Variants in TMEM132D observed in about 807,000 individuals in gnomAD.
TMEM132D encodes transmembrane protein 132D.
Under a neutral mutation model 62.3 loss-of-function variants are expected in TMEM132D, and 21 were observed. The observed-to-expected ratio is 0.34, with a 90% CI of 0.24 to 0.49. TMEM132D has a LOEUF of 0.49. Among genes scored for constraint, TMEM132D ranks in the 20% least tolerant of loss-of-function variants. The pLI is 0.99. For synonymous variants in TMEM132D, 621 were observed against 575.6 expected (o/e 1.08, Z -1.13); for missense variants, 1,346 against 1,402.8 (o/e 0.96, Z 0.65).
intron 2 of TMEM132D, among the ~76,000 whole-genome samples, chr12:129,608,708 A>C (rs1486961908): frequency 1.3e-5 from 2 of 152,214 alleles, no homozygotes; most frequent in African/African-American, 4.8e-5. Context: ...TGAAGCCATC[A>C]GCTCCGGCCT....
At chr12:129,478,504 G>T (rs143221582) in intron 3 of TMEM132D, among the ~76,000 whole-genome samples, 1 of 152,272 alleles carries the variant, frequency 6.6e-6, no homozygotes, top group East Asian at 1.9e-4. Context: ...ATTAAACAAG[G>T]CTGACTTTTA....
At chr12:129,828,689 A>AAGGG (rs144420106) in intron 1 of TMEM132D, among the ~76,000 whole-genome samples, 68 of 4,626 alleles carry the variant, frequency 0.015, 2 homozygotes, top group Non-Finnish European at 0.027. Context: ...GGGAGGAAGG[A>AAGGG]AGGGAGGGAG....
chr12:129,598,047 AAACAACAAC>A (rs567539460), intron 2 of TMEM132D, among the ~76,000 whole-genome samples: 1 of 152,108 alleles, frequency 6.6e-6, no homozygotes, highest in Non-Finnish European at 1.5e-5. Flanking sequence ...ATACTTGCAA[AAACAACAAC>A]AACAACAACA....
At chr12:129,613,694 A>G (rs766193830) in intron 2 of TMEM132D, among the ~76,000 whole-genome samples, 4 of 152,306 alleles carry the variant, frequency 2.6e-5, no homozygotes, top group South Asian at 2.1e-4. Context: ...AGCACCCAGA[A>G]GACTGGCTCG....
intron 2 of TMEM132D, among the ~76,000 whole-genome samples, chr12:129,585,010 A>G (rs1877984530): frequency 6.6e-6 from 1 of 152,198 alleles, no homozygotes; most frequent in South Asian, 2.1e-4. Flanking sequence ...CGATTGCAAA[A>G]TGAAGAAAAT....
chr12:129,156,120 G>A (rs1040505145), intron 5 of TMEM132D, among the ~76,000 whole-genome samples: 2 of 150,944 alleles, frequency 1.3e-5, no homozygotes, highest in South Asian at 2.1e-4. Flanking sequence ...ATACTCCCAC[G>A]ATAACCAACT....
rs183366931 is a variant in TMEM132D at position 129,694,891 on chromosome 12, C to G, written c.968+4919G>C. Among the ~76,000 whole-genome samples the G allele has an allele frequency of 1.2e-4, 19 of 152,220 alleles. 2 individuals carry two copies. In the East Asian group the frequency reaches 3.5e-3, roughly 28 times the overall value. On this transcript the variant is annotated intron_variant, in intron 2 of 8. Coordinates refer to ENST00000422113, the MANE Select transcript of TMEM132D (RefSeq NM_133448.3). ...GGCATGGCGATGTGAGCCTTTAATCCCAGCTACTTTGGAGGCTGGGGCAGG... is the reference window on the plus strand; with the variant it reads ...GGCATGGCGATGTGAGCCTTTAATCGCAGCTACTTTGGAGGCTGGGGCAGG...
chr12:129,463,471 T>G (rs1873755904), intron 3 of TMEM132D, among the ~76,000 whole-genome samples: 1 of 18,618 alleles, frequency 5.4e-5, no homozygotes, highest in South Asian at 6.6e-3. Flanking sequence ...TTTATTTATG[T>G]ATTATTATTA....
chr12:129,805,607 A>G (rs1243028953), intron 1 of TMEM132D, among the ~76,000 whole-genome samples: 1 of 152,062 alleles, frequency 6.6e-6, no homozygotes, highest in Non-Finnish European at 1.5e-5. Flanking sequence ...AAACCTAGGC[A>G]ATACCATTCA....
chr12:129,351,862 C>T (rs750134008), intron 3 of TMEM132D, among the ~76,000 whole-genome samples: 2 of 152,192 alleles, frequency 1.3e-5, no homozygotes, highest in Non-Finnish European at 2.9e-5. Flanking sequence ...GAACAACCCT[C>T]ACCATACCAG....
At chr12:129,675,842 T>C (rs886968109) in intron 2 of TMEM132D, among the ~76,000 whole-genome samples, 2 of 152,206 alleles carry the variant, frequency 1.3e-5, no homozygotes, top group Non-Finnish European at 2.9e-5. Flanking sequence ...TGAGAAGCCC[T>C]GTGCTGGGAT....
At position 129,371,091 on chromosome 12, in the gene TMEM132D, T is replaced by C. The variant is rs1171324799; in HGVS notation, c.1116-33274A>G. ...TTTGATGTGATAGACCCAATTACCT[T>C]GATTCGATCATTATATTGTTGTAGG... On this transcript the variant is annotated intron_variant, in intron 3 of 8. Coordinates refer to ENST00000422113, the MANE Select transcript of TMEM132D (RefSeq NM_133448.3). This position sits in a 1 kb window ranked among gnomAD's most constrained non-coding sequence, Gnocchi z 4.3. Among the ~76,000 whole-genome samples the C allele has an allele frequency of 6.6e-6, 1 of 152,228 alleles. No individual in the cohort carries two copies. The highest frequency in any genetic ancestry group is 1.5e-5 in the Non-Finnish European group (1 of 68,038).
At position 129,084,643 on chromosome 12, in the gene TMEM132D, G is replaced by C. The variant is rs750815479; in HGVS notation, c.1503C>G (p.Asn501Lys). 1.9e-6 allele frequency: 3 copies of C among 1,614,142 alleles called. No individual in the cohort carries two copies. The South Asian group carries it at 3.3e-5, about 18-fold the overall frequency. ...GCTGGTAGGTGAAGTTCACCACCAC[G>C]TTGACCTTGCCTTTCATTTCTTTCC... ...VNGKEMKGKV[N>K]VVVNFTYQHL... The change falls in exon 6 of 9, where the codon AAC (asparagine) becomes AAG (lysine). Residue 501 changes from asparagine to lysine, a missense_variant. Transcript: ENST00000422113.
At chr12:129,817,556 G>A (rs1264214062) in intron 1 of TMEM132D, among the ~76,000 whole-genome samples, 2 of 151,698 alleles carry the variant, frequency 1.3e-5, no homozygotes, top group Non-Finnish European at 1.5e-5. Flanking sequence ...TTAGCAAGCT[G>A]GGAGAATGGA....
At chr12:129,637,322 TAC>T (rs1460926033) in intron 2 of TMEM132D, among the ~76,000 whole-genome samples, 4 of 152,250 alleles carry the variant, frequency 2.6e-5, no homozygotes, top group African/African-American at 9.6e-5. Flanking sequence ...TGTTTTTGAA[TAC>T]ACTGGGAAGA....
intron 1 of TMEM132D, among the ~76,000 whole-genome samples, chr12:129,890,590 G>A (rs1874890458): frequency 6.6e-6 from 1 of 152,152 alleles, no homozygotes; most frequent in Non-Finnish European, 1.5e-5. Context: ...CACAATTGTG[G>A]AAAAGAGATT....
chr12:129,594,883 A>G (rs1403791916), intron 2 of TMEM132D, among the ~76,000 whole-genome samples: 2 of 152,194 alleles, frequency 1.3e-5, no homozygotes, highest in Non-Finnish European at 2.9e-5. Flanking sequence ...TTGTGGAAAT[A>G]CCACTTCCCA....
chr12:129,652,936 C>T (rs1452314365), intron 2 of TMEM132D, among the ~76,000 whole-genome samples: 1 of 152,178 alleles, frequency 6.6e-6, no homozygotes, highest in African/African-American at 2.4e-5. Flanking sequence ...CCCACTGTCT[C>T]AGAAGGCAGA....
At chr12:129,363,317 A>C (rs1870308994) in intron 3 of TMEM132D, among the ~76,000 whole-genome samples, 1 of 152,238 alleles carries the variant, frequency 6.6e-6, no homozygotes, top group Non-Finnish European at 1.5e-5. Flanking sequence ...TGTAAAATCT[A>C]ACACCGTCAG....
Sources: gnomAD v4.1 joint callset for allele counts (sites outside exome capture counted in the v4.1 genomes callset) on GRCh38, gnomAD v4.1.1 for gene constraint, Gnocchi (gnomAD v3.1) non-coding constraint, MANE v1.5 for transcripts, NCBI Gene and HGNC (gene_info 2026-07-23, HGNC 2026-07-21) for gene names.